Variants in POMGNT2 observed in about 807,000 individuals in gnomAD.
POMGNT2 encodes protein O-linked-mannose beta-1,4-N-acetylglucosaminyltransferase 2.
A neutral mutation model predicts 37.8 loss-of-function variants in POMGNT2; 32 were observed. The observed-to-expected ratio is 0.85, with a 90% CI of 0.64 to 1.14. POMGNT2 has a LOEUF of 1.14. Among genes scored for constraint, POMGNT2 ranks in the 50% most tolerant of loss-of-function variants. POMGNT2 has a pLI of 0.00. For missense variants in POMGNT2, 705 were observed against 780.6 expected, an observed-to-expected ratio of 0.90 and a Z score of 1.15; for synonymous variants, 340 against 336.8, an observed-to-expected ratio of 1.01 and a Z score of -0.10.
rs1448487668 is a variant in POMGNT2 at position 43,098,423 on chromosome 3, CTAAAT to C, written c.-106+7408_-106+7412del. On this transcript the variant is annotated intron_variant, in intron 1 of 1. Transcript: ENST00000344697. This position sits in a 1 kb window ranked among gnomAD's most constrained non-coding sequence, Gnocchi z 4.3. ...AATAACATAATGCTTACATTTGCTCCTAAATTAAATATTAACCTAATGCTATTGAT... is the reference window on the plus strand; with the variant it reads ...AATAACATAATGCTTACATTTGCTCCTAAATATTAACCTAATGCTATTGAT... 6.6e-6 allele frequency among the ~76,000 whole-genome samples: 1 copy of C among 152,026 alleles called. No homozygotes were observed. The highest frequency in any genetic ancestry group is 6.6e-5 in the Admixed American group (1 of 15,252).
At chr3:43,091,748 ACC>A (rs932109559) in intron 1 of POMGNT2, among the ~76,000 whole-genome samples, 1 of 152,232 alleles carries the variant, frequency 6.6e-6, no homozygotes, top group Non-Finnish European at 1.5e-5. Context: ...GACGTAATGT[ACC>A]CCTTTATATG....
At chr3:43,103,368 G>A (rs973048828) in intron 1 of POMGNT2, among the ~76,000 whole-genome samples, 41 of 152,030 alleles carry the variant, frequency 2.7e-4, no homozygotes, top group African/African-American at 9.2e-4. Context: ...CATTTCCCAG[G>A]AGCTAAACGA....
At chr3:43,097,077 G>A (rs1172030001) in intron 1 of POMGNT2, among the ~76,000 whole-genome samples, 1 of 152,178 alleles carries the variant, frequency 6.6e-6, no homozygotes, top group Non-Finnish European at 1.5e-5. Flanking sequence ...TTGGTGCTGG[G>A]TGCAGGCTGT....
intron 1 of POMGNT2, among the ~76,000 whole-genome samples, chr3:43,104,022 T>C (rs1051742201): frequency 6.6e-6 from 1 of 152,226 alleles, no homozygotes; most frequent in African/African-American, 2.4e-5. Context: ...GGCACAGTGC[T>C]AACTGTTTTA....
Position 43,080,861 on chromosome 3 carries a change from G to A in POMGNT2, c.571C>T (p.Leu191Phe), listed in dbSNP as rs2089846193. ...TCGCCCCAGCCCTCCATGAAGAAGA[G>A]CCGTGCCTCGTGGGCCAGGCCGGGA... The part of the protein sequence containing the change: ...QFPGLAHEAR[L>F]FFMEGWGEGA... The change falls in exon 2 of 2, where the codon CTC becomes TTC. Residue 191 changes from leucine (L) to phenylalanine (F), a missense_variant. By Grantham distance (22) the Leu-to-Phe change is conservative. Transcript: ENST00000344697. 6.2e-7 allele frequency: 1 copy of A among 1,614,130 alleles called. No individual in the cohort carries two copies. The highest frequency in any genetic ancestry group is 8.5e-7 in the Non-Finnish European group (1 of 1,180,002).
chr3:43,088,428 A>C (rs1413630870), intron 1 of POMGNT2, among the ~76,000 whole-genome samples: 1 of 152,186 alleles, frequency 6.6e-6, no homozygotes, highest in East Asian at 1.9e-4. Flanking sequence ...GTACTGACAG[A>C]CGACATAATG....
In POMGNT2 at chr3:43,081,221, C is replaced by A. The variant is rs1239496408; in HGVS notation, c.211G>T (p.Gly71Cys). The change falls in exon 2 of 2, where the codon GGC becomes TGC. Residue 71 changes from glycine (G) to cysteine (C), a missense_variant. Physicochemically the swap from Gly to Cys is radical, Grantham distance 159 (BLOSUM62 -3). Coordinates refer to ENST00000344697, the MANE Select transcript of POMGNT2 (RefSeq NM_032806.6). The part of the protein sequence containing the change: ...MEGGTHMVCT[G>C]RTHTDRICRF... Reference sequence around the variant, plus strand: ...CAGATGCGGTCTGTGTGCGTGCGGCCCGTGCACACCATGTGTGTGCCGCCC... The same window carrying A: ...CAGATGCGGTCTGTGTGCGTGCGGCACGTGCACACCATGTGTGTGCCGCCC... 6.2e-7 allele frequency: 1 copy of A among 1,614,020 alleles called. No homozygotes were observed. The highest frequency in any genetic ancestry group is 8.5e-7 in the Non-Finnish European group (1 of 1,180,026).
At chr3:43,099,587 C>A (rs1378878298) in intron 1 of POMGNT2, among the ~76,000 whole-genome samples, 1 of 152,070 alleles carries the variant, frequency 6.6e-6, no homozygotes, top group Non-Finnish European at 1.5e-5. Flanking sequence ...GTCGGGGAGC[C>A]CAGGCTGTGG....
intron 1 of POMGNT2, among the ~76,000 whole-genome samples, chr3:43,091,062 T>C (rs556616382): frequency 1.3e-5 from 2 of 152,176 alleles, no homozygotes; most frequent in Non-Finnish European, 2.9e-5. Context: ...ATTATAGGCG[T>C]TCCTAGTTCA....
At chr3:43,083,960 A>C (rs1416675564) in intron 1 of POMGNT2, among the ~76,000 whole-genome samples, 1 of 152,164 alleles carries the variant, frequency 6.6e-6, no homozygotes, top group South Asian at 2.1e-4. Context: ...GTCTGATTTT[A>C]GCTTCATTCC....
At chr3:43,104,307 A>T (rs1410292028) in intron 1 of POMGNT2, among the ~76,000 whole-genome samples, 1 of 152,222 alleles carries the variant, frequency 6.6e-6, no homozygotes, top group Non-Finnish European at 1.5e-5. Context: ...CTGACAACCA[A>T]GCTGAGATTG....
intron 1 of POMGNT2, among the ~76,000 whole-genome samples, chr3:43,089,634 TG>T (rs1469970272): frequency 6.6e-6 from 1 of 152,004 alleles, no homozygotes; most frequent in Admixed American, 6.6e-5. Flanking sequence ...AGTGTTAGAA[TG>T]GGGGGCCTAG....
chr3:43,084,074 G>C (rs1361300206), intron 1 of POMGNT2, among the ~76,000 whole-genome samples: 1 of 152,186 alleles, frequency 6.6e-6, no homozygotes, highest in Non-Finnish European at 1.5e-5. Flanking sequence ...TGTGACTGCT[G>C]ATGAGGAACT....
At position 43,083,633 on chromosome 3, in the gene POMGNT2, C is replaced by T. The variant is rs149260234; in HGVS notation, c.-105-2097G>A. Among the ~76,000 whole-genome samples, 148 of 152,304 alleles carry T rather than the reference C, an allele frequency of 9.7e-4. 1 individual carries two copies. Among genetic ancestry groups the T allele is most frequent in the Middle Eastern group, 3.4e-3 (1 of 294 alleles). On this transcript the variant is annotated intron_variant, in intron 1 of 1. Coordinates refer to ENST00000344697, the MANE Select transcript of POMGNT2 (RefSeq NM_032806.6). ...ACAGTCTACTGGTATTGACATTTTACGTTTCGAATAAGTGTAGAAACTTTA... is the reference window on the plus strand; with the variant it reads ...ACAGTCTACTGGTATTGACATTTTATGTTTCGAATAAGTGTAGAAACTTTA...
At chr3:43,086,038 A>G (rs1478709340) in intron 1 of POMGNT2, among the ~76,000 whole-genome samples, 4 of 150,616 alleles carry the variant, frequency 2.7e-5, no homozygotes, top group African/African-American at 4.8e-5. Flanking sequence ...ATTTTTAGCT[A>G]TATTAGTAAA....
intron 1 of POMGNT2, among the ~76,000 whole-genome samples, chr3:43,086,099 C>A (rs1296576824): frequency 4.6e-5 from 7 of 152,164 alleles, no homozygotes; most frequent in Non-Finnish European, 1.5e-5. Flanking sequence ...CCTGAGGTAT[C>A]CTTGGCATCC....
chr3:43,084,186 G>A (rs2089877587), intron 1 of POMGNT2, among the ~76,000 whole-genome samples: 1 of 152,148 alleles, frequency 6.6e-6, no homozygotes, highest in African/African-American at 2.4e-5. Flanking sequence ...GTGCCTTGGT[G>A]TGGGTTTCTT....
In POMGNT2 at chr3:43,092,740, T is replaced by A. The variant is rs527304318; in HGVS notation, c.-105-11204A>T. ...CTGTGGAAGATGGTGGAGTTCTTTA[T>A]ATATTTGTACTCTTTTGTGTTTACT... On this transcript the variant is annotated intron_variant, in intron 1 of 1. Coordinates refer to ENST00000344697, the MANE Select transcript of POMGNT2 (RefSeq NM_032806.6). 2.6e-5 allele frequency among the ~76,000 whole-genome samples: 4 copies of A among 152,382 alleles called. No homozygotes were observed. The South Asian group carries it at 8.3e-4, about 32-fold the overall frequency.
At position 43,080,607 on chromosome 3, in the gene POMGNT2, C is replaced by A; in HGVS notation, c.825G>T (p.Leu275=). The change falls in exon 2 of 2, where the codon CTG becomes CTT. Residue 275 remains leucine, a synonymous_variant. Coordinates refer to ENST00000344697, the MANE Select transcript of POMGNT2 (RefSeq NM_032806.6). ...RQFARFMTEK[L]NVSHTGVPLG... is the part of the protein sequence containing the mutation. ...GGGGGACTCCTGTGTGGCTCACGTT[C>A]AGCTTTTCTGTCATGAACCGTGCAA... is the stretch of plus-strand genomic sequence containing the variant. 1.2e-6 allele frequency: 2 copies of A among 1,614,240 alleles called. No homozygotes were observed. The highest frequency in any genetic ancestry group is 1.7e-6 in the Non-Finnish European group (2 of 1,180,044).
Sources: allele counts gnomAD v4.1 joint callset (sites outside exome capture counted in the v4.1 genomes callset), GRCh38; gene constraint gnomAD v4.1.1; non-coding constraint Gnocchi (gnomAD v3.1); transcripts MANE v1.5; gene names NCBI Gene and HGNC (gene_info 2026-07-23, HGNC 2026-07-21).